WIZ: variants seen among roughly 807,000 people sequenced by gnomAD.
WIZ encodes protein Wiz.
WIZ carries 25 observed loss-of-function variants against 140.2 expected under a neutral mutation model. The observed-to-expected ratio is 0.18, with a 90% CI of 0.13 to 0.25. WIZ has a LOEUF of 0.25. Ranked by LOEUF, WIZ falls within the 10% of genes least tolerant of loss-of-function variation. The probability of loss-of-function intolerance (pLI) is 1.00; values close to 1 mark genes in which losing one functional copy is unlikely to be tolerated. For synonymous variants in WIZ, 1,125 were observed against 1,154.3 expected, an observed-to-expected ratio of 0.97 and a Z score of 0.51; for missense variants, 2,231 against 2,632.6, an observed-to-expected ratio of 0.85 and a Z score of 3.34.
chr19:15,440,243 C>G lies in WIZ; in HGVS notation c.751G>C (p.Glu251Gln), dbSNP rs1268387910. The change falls in exon 4 of 13, where the codon GAG becomes CAG. Residue 251 changes from glutamate (E) to glutamine (Q), a missense_variant. Transcript: ENST00000673675. The surrounding 1 kb of genome is among the most constrained non-coding windows in gnomAD (Gnocchi z 6.2). The part of the protein sequence containing the change: ...EDLEGLAQPS[E>Q]WGLPTSASEV... The stretch of plus-strand genomic sequence containing the variant: ...GAGGCTGACGTGGGTAGGCCCCACT[C>G]GGACGGCTGGGCCAGCCCCTCCAGG... The G allele has an allele frequency of 1.3e-6, 2 of 1,495,762 alleles. No individual in the cohort carries two copies. The highest frequency in any genetic ancestry group is 2.2e-5 in the Admixed American group (1 of 45,300). 92.7% of individuals were successfully genotyped at this position (1,495,762 alleles called of 1,614,324 possible).
At chr19:15,434,229 G>A (rs1317823247) in intron 5 of WIZ, among the ~76,000 whole-genome samples, 2 of 146,946 alleles carry the variant, frequency 1.4e-5, no homozygotes, top group African/African-American at 2.5e-5. Context: ...CTGCACTCCA[G>A]CTTGGGCGAC....
At position 15,424,636 on chromosome 19, in the gene WIZ, T is replaced by C. The variant is rs1223921584; in HGVS notation, c.5291A>G (p.Glu1764Gly). 2.6e-5 allele frequency: 41 copies of C among 1,592,678 alleles called. No homozygotes were observed. Among genetic ancestry groups the C allele is most frequent in the Non-Finnish European group, 3.2e-5 (38 of 1,178,036 alleles). The change falls in exon 11 of 13, where the codon GAG (glutamate) becomes GGG (glycine). Residue 1764 changes from glutamate (E) to glycine (G), a missense_variant. By Grantham distance (98) the Glu-to-Gly change is moderately conservative. This residue lies in a region of WIZ where 299 missense variants were observed against 309.6 expected (regional missense o/e 0.97). Coordinates refer to ENST00000673675, the MANE Select transcript of WIZ (RefSeq NM_001371589.1). The surrounding 1 kb of genome is among the most constrained non-coding windows in gnomAD (Gnocchi z 9.7). ...ACTGTTGATGTTCTGCCGCTGGTGC[T>C]CCTCAGCCTTCACGGTGCCTGGCGG... Reference protein sequence around the residue: ...ASPPGTVKAEEHQRQNINKFE... With the variant: ...ASPPGTVKAEGHQRQNINKFE...
rs569919026 is a variant in WIZ, at chr19:15,420,502, C to G, written c.*2574G>C. ...CCCAGGACACGTCTTCTGCGCCCTGCAGGTTCGTTCCTTCATCGCACTTGC... is the reference window on the plus strand; with the variant it reads ...CCCAGGACACGTCTTCTGCGCCCTGGAGGTTCGTTCCTTCATCGCACTTGC... On this transcript the variant is annotated 3_prime_UTR_variant, in exon 13 of 13. Transcript: ENST00000673675. 6.6e-6 allele frequency: 1 copy of G among 152,370 alleles called. No individual in the cohort carries two copies. Among genetic ancestry groups the G allele is most frequent in the African/African-American group, 2.4e-5 (1 of 41,578 alleles). The allele number at this position is 152,370 out of a possible 1,614,324, so 9.4% of individuals were successfully genotyped here.
chr19:15,432,513 C>CAGT (rs1568302756), intron 5 of WIZ: 2 of 434,384 alleles, frequency 4.6e-6, no homozygotes, highest in East Asian at 4.2e-4. Flanking sequence ...GTGGCGGTGG[C>CAGT]GGTGGTGGTG....
At position 15,424,968 on chromosome 19, in the gene WIZ, G is replaced by A. The variant is rs528604216; in HGVS notation, c.4959C>T (p.His1653=). The A allele has an allele frequency of 3.1e-6, 5 of 1,606,682 alleles. No homozygotes were observed. In the African/African-American group the frequency reaches 4.0e-5, roughly 13 times the overall value. ...CGAACTGCCGCAGGTGTGCCCGTGC[G>A]TGGCTGGCCAGGGCCTTGCGGTTTT... The part of the protein sequence containing the change: ...YFENRKALAS[H]ARAHLRQFGV... Residue 1653 remains histidine, a synonymous_variant, in exon 11 of 13, where the codon CAC becomes CAT. Transcript: ENST00000673675. The surrounding 1 kb of genome is among the most constrained non-coding windows in gnomAD (Gnocchi z 9.7).
At chr19:15,446,402 G>A (rs1380541709) in intron 2 of WIZ, among the ~76,000 whole-genome samples, 2 of 152,126 alleles carry the variant, frequency 1.3e-5, no homozygotes, top group Non-Finnish European at 1.5e-5. Flanking sequence ...CCGGCTGTGC[G>A]ACCTGGCACA....
intron 2 of WIZ, among the ~76,000 whole-genome samples, chr19:15,445,700 C>T (rs759375776): frequency 1.9e-4 from 29 of 152,200 alleles, no homozygotes; most frequent in Non-Finnish European, 4.3e-4. Context: ...ACCTCAGCCC[C>T]TGAGTCTTTT....
chr19:15,429,576 CCA>C lies in WIZ; in HGVS notation c.3415+8_3415+9del. The C allele has an allele frequency of 7.3e-7, 1 of 1,363,840 alleles. No homozygotes were observed. The highest frequency in any genetic ancestry group is 9.4e-7 in the Non-Finnish European group (1 of 1,060,364). The allele number at this position is 1,363,840 out of a possible 1,614,324, so 84.5% of individuals were successfully genotyped here. A position where few individuals can be genotyped will look rare whatever the true frequency, so the allele number is the denominator to read the frequency against. ...CAGAACCTCCCTCGGCTCTTGGGAC[CCA>C]CACTCACTGAGGTTCAAGGGCCCCT... On this transcript the variant is annotated splice_region_variant and intron_variant, in intron 7 of 12. Transcript: ENST00000673675.
chr19:15,447,392 T>A (rs1250356082), intron 2 of WIZ, among the ~76,000 whole-genome samples: 1 of 152,248 alleles, frequency 6.6e-6, no homozygotes, highest in East Asian at 1.9e-4. Flanking sequence ...GCACTCTGTT[T>A]AATGCCTTCA....
intron 5 of WIZ, 34 bp downstream of exon 5, chr19:15,436,772 T>A (rs367866554): frequency 2.6e-6 from 4 of 1,513,248 alleles, no homozygotes; most frequent in East Asian, 5.0e-5. Context: ...CTGGGAAGGA[T>A]GGGGCTCCAG....
At chr19:15,429,497 C>CA in intron 7 of WIZ, 89 bp downstream of exon 7, 137 of 1,105,426 alleles carry the variant, frequency 1.2e-4, no homozygotes, top group Middle Eastern at 6.6e-4. Flanking sequence ...CCCACCCACC[C>CA]TGGGCCCTGT....
chr19:15,424,428 G>C lies in WIZ; in HGVS notation c.5315-50C>G, dbSNP rs1412302789. 1 of 1,581,116 alleles carries C rather than the reference G, an allele frequency of 6.3e-7. No individual in the cohort carries two copies. Among genetic ancestry groups the C allele is most frequent in the Non-Finnish European group, 8.6e-7 (1 of 1,167,392 alleles). ...ATGAGTGGGAGGGGTGGATGCTGCAGAGACTTGGAATACACAAGAGCTGAG... is the reference window on the plus strand; with the variant it reads ...ATGAGTGGGAGGGGTGGATGCTGCACAGACTTGGAATACACAAGAGCTGAG... On this transcript the variant is annotated intron_variant, in intron 11 of 12. Transcript: ENST00000673675. This position sits in a 1 kb window ranked among gnomAD's most constrained non-coding sequence, Gnocchi z 9.7.
rs1177010777 is a variant in WIZ, at chr19:15,421,174, C to T, written c.*1902G>A. The T allele has an allele frequency of 2.6e-5, 4 of 152,230 alleles. No individual in the cohort carries two copies. The highest frequency in any genetic ancestry group is 5.9e-5 in the Non-Finnish European group (4 of 68,044). 9.4% of individuals were successfully genotyped at this position (152,230 alleles called of 1,614,324 possible). A position where few individuals can be genotyped will look rare whatever the true frequency, so the allele number is the denominator to read the frequency against. On this transcript the variant is annotated 3_prime_UTR_variant, in exon 13 of 13. Coordinates refer to ENST00000673675, the MANE Select transcript of WIZ (RefSeq NM_001371589.1). ...TGAAAAGTTGAAAGAGGAAGAAACA[C>T]CTTTGAGTCAGCTCACAAGATGCTC...
chr19:15,423,626 A>C (rs1968519118), intron 12 of WIZ, among the ~76,000 whole-genome samples: 1 of 152,068 alleles, frequency 6.6e-6, no homozygotes, highest in Non-Finnish European at 1.5e-5. Context: ...GCCTCACAGC[A>C]CAGAGGCCTG....
rs1303073326 is a variant in WIZ, at chr19:15,425,334, G to A, written c.4801C>T (p.Arg1601Cys). 3.2e-6 allele frequency: 5 copies of A among 1,567,520 alleles called. No individual in the cohort carries two copies. The highest frequency in any genetic ancestry group is 4.3e-6 in the Non-Finnish European group (5 of 1,156,782). ...VAAKRPLQED[R>C]LLPAEVKAKT... ...GCCTTGACCTCTGCTGGGAGGAGGC[G>A]GTCCTCCTGCAGGGGCCGCTTGGCT... is the stretch of plus-strand genomic sequence containing the variant. Residue 1601 changes from arginine to cysteine, a missense_variant, in exon 10 of 13, where the codon CGC becomes TGC. Arg to Cys is a radical substitution (Grantham distance 180). This residue lies in a region of WIZ where 393 missense variants were observed against 451.7 expected (regional missense o/e 0.87). Coordinates refer to ENST00000673675, the MANE Select transcript of WIZ (RefSeq NM_001371589.1).
chr19:15,427,032 G>T lies in WIZ; in HGVS notation c.4316C>A (p.Ser1439Tyr). Reference sequence around the variant, plus strand: ...CCGTGGTGCCCCCCAGGGACCCTCAGATGGGTGCAGTTCCCCATGAAGGGC... The same window carrying T: ...CCGTGGTGCCCCCCAGGGACCCTCATATGGGTGCAGTTCCCCATGAAGGGC... ...PGALHGELHP[S>Y]EGPWGAPRED... Residue 1439 changes from serine to tyrosine, a missense_variant, in exon 9 of 13, where the codon TCT becomes TAT. Ser to Tyr is a moderately radical substitution (Grantham distance 144, BLOSUM62 -2). Around this residue, in one of 15 missense-constraint regions of WIZ, gnomAD observed 393 missense variants for 451.7 expected, o/e 0.87. Transcript: ENST00000673675. The surrounding 1 kb of genome is among the most constrained non-coding windows in gnomAD (Gnocchi z 6.4). 1 of 1,614,192 alleles carries T rather than the reference G, an allele frequency of 6.2e-7. No individual in the cohort carries two copies. The highest frequency in any genetic ancestry group is 8.5e-7 in the Non-Finnish European group (1 of 1,180,020).
intron 2 of WIZ, among the ~76,000 whole-genome samples, chr19:15,444,566 G>A (rs1382608486): frequency 6.6e-6 from 1 of 152,158 alleles, no homozygotes; most frequent in East Asian, 1.9e-4. Flanking sequence ...TCCCCTGGAG[G>A]GGGAGGCGAA....
At chr19:15,434,518 G>A (rs1324187136) in intron 5 of WIZ, among the ~76,000 whole-genome samples, 8 of 149,878 alleles carry the variant, frequency 5.3e-5, no homozygotes, top group African/African-American at 9.9e-5. Context: ...AGCCGAGATC[G>A]TGCCACTGCA....
chr19:15,444,577 T>A (rs2145400411), intron 2 of WIZ, among the ~76,000 whole-genome samples: 1 of 152,112 alleles, frequency 6.6e-6, no homozygotes, highest in Non-Finnish European at 1.5e-5. Flanking sequence ...GGGAGGCGAA[T>A]CACCCCCATT....
Sources: gnomAD v4.1 joint callset for allele counts (sites outside exome capture counted in the v4.1 genomes callset) on GRCh38, gnomAD v4.1.1 for gene constraint, gnomAD v4.1.1 regional missense constraint, Gnocchi (gnomAD v3.1) non-coding constraint, MANE v1.5 for transcripts, NCBI Gene and HGNC (gene_info 2026-07-23, HGNC 2026-07-21) for gene names.